The following ASB15 variants were observed in gnomAD, a reference collection of about 807,000 sequenced individuals.
The protein encoded by ASB15 is ankyrin repeat and SOCS box protein 15.
Under a neutral mutation model 58.0 loss-of-function variants are expected in ASB15, and 54 were observed. The ratio of observed to expected loss-of-function variants is 0.93; its 90% CI spans 0.75 to 1.17. The LOEUF (loss-of-function observed/expected upper bound fraction) is 1.17. ASB15 is among the 50% of genes most tolerant of loss of function. The pLI, the probability that ASB15 is intolerant of heterozygous loss-of-function variation, is 0.00. For missense variants in ASB15, 680 were observed against 707.4 expected (o/e 0.96, Z 0.44); for synonymous variants, 249 against 262.4 (o/e 0.95, Z 0.50).
upstream of ASB15, among the ~76,000 whole-genome samples, chr7:123,598,297 T>C (rs1420785496): frequency 6.6e-6 from 1 of 152,154 alleles, no homozygotes; most frequent in Non-Finnish European, 1.5e-5. Context: ...AACAATGATA[T>C]GAAATAACAA....
At chr7:123,601,808 G>C (rs140171744), upstream of ASB15, 6 of 152,204 alleles carry the variant, frequency 3.9e-5, no homozygotes, top group South Asian at 6.2e-4. Flanking sequence ...CCACCAACTG[G>C]ATACTTAATT....
intron 1 of ASB15, among the ~76,000 whole-genome samples, chr7:123,591,152 A>C (rs539854844): frequency 3.9e-5 from 6 of 152,292 alleles, no homozygotes; most frequent in African/African-American, 1.4e-4. Flanking sequence ...TTGATTTTGT[A>C]TCCTGAGACT....
chr7:123,618,070 G>A (rs1337732137), intron 7 of ASB15, among the ~76,000 whole-genome samples: 1 of 152,204 alleles, frequency 6.6e-6, no homozygotes, highest in Non-Finnish European at 1.5e-5. Flanking sequence ...TGTGCCATAT[G>A]TAGCCAGAAG....
intron 1 of ASB15, among the ~76,000 whole-genome samples, chr7:123,587,161 G>A (rs1799397204): frequency 6.6e-6 from 1 of 151,530 alleles, no homozygotes; most frequent in South Asian, 2.1e-4. Flanking sequence ...TTTGTAGTGT[G>A]AACATTTTAA....
At chr7:123,599,650 G>T (rs1799809245), upstream of ASB15, among the ~76,000 whole-genome samples, 1 of 152,162 alleles carries the variant, frequency 6.6e-6, no homozygotes, top group African/African-American at 2.4e-5. Context: ...AGAAATAGGT[G>T]GGTCCAAGGA....
chr7:123,614,474 A>C (rs772820348), intron 3 of ASB15, 27 bp from the exon 4 acceptor site: 2 of 1,403,262 alleles, frequency 1.4e-6, no homozygotes, highest in South Asian at 2.4e-5. Context: ...GATAATAAGA[A>C]CTTGTCTCGT....
chr7:123,567,406 G>A (rs16871038), intron 1 of ASB15, among the ~76,000 whole-genome samples: 9,858 of 152,102 alleles, frequency 0.065, 349 homozygotes, highest in Non-Finnish European at 0.079. Flanking sequence ...CAAAAATCTG[G>A]GTCTCACATT....
At chr7:123,615,023 C>T (rs1168967644) in intron 4 of ASB15, among the ~76,000 whole-genome samples, 7 of 152,124 alleles carry the variant, frequency 4.6e-5, no homozygotes, top group African/African-American at 9.7e-5. Context: ...TTATAGGTAA[C>T]GTATTCCATT....
chr7:123,576,690 G>A lies in ASB15; in HGVS notation c.-443+9602G>A, dbSNP rs997161075. 5.3e-5 allele frequency among the ~76,000 whole-genome samples: 8 copies of A among 152,152 alleles called. No homozygotes were observed. The East Asian group carries it at 7.7e-4, about 15-fold the overall frequency. On this transcript the variant is annotated intron_variant, in intron 1 of 13. Coordinates refer to the ASB15 transcript ENST00000451558. ...ACCTTGCTCTCTTTAGTTCCTGCAC[G>A]GAATGCTGCAGTAAAAGAAAACAGC...
rs1385843153 is a variant in ASB15, at chr7:123,637,340, C to T, written c.*359C>T. On this transcript the variant is annotated 3_prime_UTR_variant, in exon 12 of 12. Coordinates refer to ENST00000451215, the MANE Select transcript of ASB15 (RefSeq NM_001290258.2). ...GCCAGATTCTCCTGTCTTTCACGGT[C>T]TTGCTGTGTAAAAGAGCTCCTCCTG... The T allele has an allele frequency of 6.1e-6, 1 of 164,532 alleles. No homozygotes were observed. The highest frequency in any genetic ancestry group is 1.3e-5 in the Non-Finnish European group (1 of 76,104). 10.2% of individuals were successfully genotyped at this position (164,532 alleles called of 1,614,324 possible).
At chr7:123,608,830 A>G (rs751631102) in intron 3 of ASB15, among the ~76,000 whole-genome samples, 176 bp downstream of exon 3, 4 of 152,200 alleles carry the variant, frequency 2.6e-5, no homozygotes, top group Non-Finnish European at 5.9e-5. Context: ...CAGCCACCAA[A>G]TAAAAAGCAA....
chr7:123,618,691 A>G (rs1000892930), intron 7 of ASB15, among the ~76,000 whole-genome samples: 1 of 152,170 alleles, frequency 6.6e-6, no homozygotes, highest in African/African-American at 2.4e-5. Flanking sequence ...GAAAGACGTT[A>G]AAGGTCATAA....
intron 1 of ASB15, among the ~76,000 whole-genome samples, chr7:123,591,350 G>A (rs1799531683): frequency 6.6e-6 from 1 of 152,138 alleles, no homozygotes; most frequent in Admixed American, 6.5e-5. Flanking sequence ...AATAGGAGTG[G>A]TGAGAGAGGT....
At chr7:123,620,375 T>G (rs1801157370) in intron 7 of ASB15, 1 of 150,878 alleles carries the variant, frequency 6.6e-6, no homozygotes, top group African/African-American at 2.4e-5. Context: ...TTAATCTGCC[T>G]TTAAATCACA....
upstream of ASB15, among the ~76,000 whole-genome samples, chr7:123,600,114 C>T (rs978729141): frequency 6.6e-6 from 1 of 152,046 alleles, no homozygotes; most frequent in Non-Finnish European, 1.5e-5. Context: ...AATGGTGGTG[C>T]CATGGTCATT....
At chr7:123,620,632 C>A (rs1341239466) in intron 7 of ASB15, among the ~76,000 whole-genome samples, 1 of 120,164 alleles carries the variant, frequency 8.3e-6, no homozygotes, top group African/African-American at 3.2e-5. Flanking sequence ...AGTGCAGTGG[C>A]GCGATCTCAA....
chr7:123,622,689 A>G (rs868174780), intron 7 of ASB15: 1 of 152,222 alleles, frequency 6.6e-6, no homozygotes, highest in Non-Finnish European at 1.5e-5. Context: ...AAAAACTGCC[A>G]TCAGAGCAAG....
Position 123,616,203 on chromosome 7 carries a change from T to G in ASB15, c.108-18T>G, listed in dbSNP as rs761026629. 4.5e-6 allele frequency: 7 copies of G among 1,556,340 alleles called. No individual in the cohort carries two copies. Among genetic ancestry groups the G allele is most frequent in the Non-Finnish European group, 6.2e-6 (7 of 1,128,614 alleles). On this transcript the variant is annotated intron_variant, in intron 4 of 11. Coordinates refer to ENST00000451215, the MANE Select transcript of ASB15 (RefSeq NM_001290258.2). ...TCACTAGTATCTAGTATAAATATTA[T>G]TTTTCTTTATCTCATAGATTTGTAC...
chr7:123,617,842 T>C (rs1584786170), intron 7 of ASB15, 105 bp downstream of exon 7: 1 of 1,137,586 alleles, frequency 8.8e-7, no homozygotes, highest in East Asian at 2.6e-5. Flanking sequence ...GTTCCTTCCA[T>C]TCCCTGAGCT....
Sources: allele counts gnomAD v4.1 joint callset (sites outside exome capture counted in the v4.1 genomes callset), GRCh38; gene constraint gnomAD v4.1.1; transcripts MANE v1.5; gene names NCBI Gene and HGNC (gene_info 2026-07-23, HGNC 2026-07-21).